TRIM2: variants seen among roughly 807,000 people sequenced by gnomAD.
TRIM2 encodes the protein tripartite motif containing 2, also known as tripartite motif-containing protein 2.
Under a neutral mutation model 75.2 loss-of-function variants are expected in TRIM2, and 20 were observed. The observed-to-expected ratio is 0.27, with a 90% CI of 0.19 to 0.39. The LOEUF is 0.39. Among genes scored for constraint, TRIM2 ranks in the 10% least tolerant of loss-of-function variants. TRIM2 has a pLI of 1.00. For missense variants in TRIM2, 660 were observed against 990.8 expected (o/e 0.67, Z 4.48); for synonymous variants, 373 against 388.3 (o/e 0.96, Z 0.46).
At chr4:153,201,996 A>T (rs1734421512), upstream of TRIM2, among the ~76,000 whole-genome samples, 1 of 152,246 alleles carries the variant, frequency 6.6e-6, no homozygotes, top group Non-Finnish European at 1.5e-5. Flanking sequence ...CTCTTTTGAA[A>T]TAATTAGAAG....
At chr4:153,334,452 T>C (rs1464197249) in intron 11 of TRIM2, among the ~76,000 whole-genome samples, 3 of 151,334 alleles carry the variant, frequency 2.0e-5, no homozygotes, top group African/African-American at 4.9e-5. Context: ...GTTCTTAAAC[T>C]CCTGGCCTCA....
intron 1 of TRIM2, among the ~76,000 whole-genome samples, chr4:153,174,252 A>G (rs1485284767): frequency 1.3e-5 from 2 of 151,634 alleles, no homozygotes; most frequent in African/African-American, 4.8e-5. Context: ...TAGAGTCACC[A>G]GAAGTGTAAG....
chr4:153,275,831 G>T (rs933267328), intron 2 of TRIM2, 62 bp from the exon 3 acceptor site: 14 of 1,446,100 alleles, frequency 9.7e-6, no homozygotes, highest in Non-Finnish European at 1.3e-5. Flanking sequence ...AACATGTATG[G>T]TACCTGTGAG....
At chr4:153,306,730 T>C (rs1027184460) in intron 6 of TRIM2, among the ~76,000 whole-genome samples, 1 of 152,204 alleles carries the variant, frequency 6.6e-6, no homozygotes, top group African/African-American at 2.4e-5. Flanking sequence ...AGCCAGGCCA[T>C]ACTGGCTTAT....
rs1748434243 is a variant in TRIM2, at chr4:153,244,426, C to CTT, written c.31-25908_31-25907dup. On this transcript the variant is annotated intron_variant, in intron 1 of 11. Coordinates refer to ENST00000338700, the MANE Select transcript of TRIM2 (RefSeq NM_015271.5). ...TCTTCTTCTTCTTCTTCTTCTTCTT[C>CTT]TTCTTCTTCTTTTAATTAGAGAGGA... 3.8e-5 allele frequency among the ~76,000 whole-genome samples: 4 copies of CTT among 104,212 alleles called. 1 individual carries two copies. The highest frequency in any genetic ancestry group is 1.2e-4 in the Admixed American group (1 of 8,452). The allele number at this position is 104,212 out of a possible 152,430, so 68.4% of individuals were successfully genotyped here. A position where few individuals can be genotyped will look rare whatever the true frequency, so the allele number is the denominator to read the frequency against.
intron 1 of TRIM2, chr4:153,222,308 G>C (rs900902205): frequency 2.6e-5 from 4 of 151,954 alleles, no homozygotes; most frequent in Non-Finnish European, 5.9e-5. Context: ...TCTCAGCCCC[G>C]TCAAGCTGAA....
intron 6 of TRIM2, among the ~76,000 whole-genome samples, chr4:153,301,079 T>A (rs1444899230): frequency 6.6e-6 from 1 of 151,834 alleles, no homozygotes; most frequent in African/African-American, 2.4e-5. Flanking sequence ...TAGTCCCAGC[T>A]ACTCGGGAGG....
At chr4:153,265,347 T>A (rs201814177) in intron 1 of TRIM2, among the ~76,000 whole-genome samples, 3 of 150,078 alleles carry the variant, frequency 2.0e-5, no homozygotes, top group African/African-American at 7.4e-5. Context: ...TGTTTTTTTT[T>A]GTTATTTTTT....
rs1762641969 is a variant in TRIM2, at chr4:153,295,750, C to T, written c.1224C>T (p.Ile408=). The stretch of plus-strand genomic sequence containing the variant: ...ACGGGAGCGTGGCAGACGGGGAGAT[C>T]CTGGACAACAAGAACGGCACCTATG... ...TPDGSVADGE[I]LDNKNGTYEF... is the part of the protein sequence containing the mutation. The change falls in exon 6 of 12, where the codon ATC becomes ATT. Residue 408 remains isoleucine (I), a synonymous_variant. Coordinates refer to ENST00000338700, the MANE Select transcript of TRIM2 (RefSeq NM_015271.5). This position sits in a 1 kb window ranked among gnomAD's most constrained non-coding sequence, Gnocchi z 7.2. The T allele has an allele frequency of 6.2e-7, 1 of 1,613,862 alleles. No homozygotes were observed. The highest frequency in any genetic ancestry group is 8.5e-7 in the Non-Finnish European group (1 of 1,179,978).
intron 1 of TRIM2, among the ~76,000 whole-genome samples, chr4:153,160,799 CTGTA>C (rs1729667075): frequency 6.6e-6 from 1 of 152,114 alleles, no homozygotes; most frequent in Non-Finnish European, 1.5e-5. Context: ...ACAAGGGTCT[CTGTA>C]TGTTGCCCGG....
At chr4:153,254,516 C>T (rs1018912268) in intron 1 of TRIM2, among the ~76,000 whole-genome samples, 21 of 152,300 alleles carry the variant, frequency 1.4e-4, no homozygotes, top group East Asian at 3.9e-4. Context: ...CCCCCGAGTC[C>T]GGCCACTTGA....
intron 1 of TRIM2, among the ~76,000 whole-genome samples, chr4:153,221,665 AAGGGAGGAAGGTAAGGAAGGAAGGATGG>A (rs1176653140): frequency 1.3e-5 from 2 of 151,738 alleles, no homozygotes; most frequent in Non-Finnish European, 2.9e-5. Flanking sequence ...CAGATGAAGG[AAGGGAGGAAGGTAAGGAAGGAAGGATGG>A]AGGGAGGAAG....
intron 3 of TRIM2, among the ~76,000 whole-genome samples, chr4:153,289,599 A>T (rs1287440844): frequency 3.9e-5 from 6 of 152,152 alleles, no homozygotes; most frequent in African/African-American, 4.8e-5. Flanking sequence ...TCTTCCAATG[A>T]GTATTCTTTG....
At chr4:153,215,096 A>G (rs1370296744) in intron 1 of TRIM2, among the ~76,000 whole-genome samples, 3 of 152,228 alleles carry the variant, frequency 2.0e-5, no homozygotes, top group African/African-American at 7.2e-5. Context: ...TGCAACTTGC[A>G]AATCACACTA....
At chr4:153,203,587 C>CA (rs397878558), upstream of TRIM2, among the ~76,000 whole-genome samples, 2,428 of 131,510 alleles carry the variant, frequency 0.018, 14 homozygotes, top group Middle Eastern at 0.033. Flanking sequence ...GACTCTGTCT[C>CA]AAAAAAAAAA....
At chr4:153,231,082 C>T (rs936947789) in intron 1 of TRIM2, among the ~76,000 whole-genome samples, 19 of 152,154 alleles carry the variant, frequency 1.2e-4, no homozygotes, top group African/African-American at 2.4e-4. Flanking sequence ...CTAAAATACA[C>T]GCTCAAGTAT....
chr4:153,202,499 T>A (rs1337757437), upstream of TRIM2, among the ~76,000 whole-genome samples: 1 of 149,126 alleles, frequency 6.7e-6, no homozygotes, highest in Non-Finnish European at 1.5e-5. Flanking sequence ...GATCCAGCCA[T>A]CCTGGCTGAA....
chr4:153,328,842 A>G (rs925164754), intron 11 of TRIM2, among the ~76,000 whole-genome samples, 172 bp downstream of exon 11: 1 of 152,210 alleles, frequency 6.6e-6, no homozygotes, highest in Non-Finnish European at 1.5e-5. Flanking sequence ...AAAAAATGTT[A>G]CCAGACTGAA....
chr4:153,171,425 A>C (rs1000790546), intron 1 of TRIM2, among the ~76,000 whole-genome samples: 3 of 152,066 alleles, frequency 2.0e-5, no homozygotes, highest in African/African-American at 4.8e-5. Context: ...GTCTCCACTA[A>C]AAATACAAAA....
Sources: allele counts gnomAD v4.1 joint callset (sites outside exome capture counted in the v4.1 genomes callset), GRCh38; gene constraint gnomAD v4.1.1; non-coding constraint Gnocchi (gnomAD v3.1); transcripts MANE v1.5; gene names NCBI Gene and HGNC (gene_info 2026-07-23, HGNC 2026-07-21).